The following ZNF385C variants were observed in gnomAD, a reference collection of about 807,000 sequenced individuals.
ZNF385C encodes zinc finger protein 385C.
In ZNF385C, 28 loss-of-function variants were observed where a neutral mutation model predicts 35.4. That is an observed-to-expected ratio of 0.79 (90% CI 0.59 to 1.08). The LOEUF is 1.08. ZNF385C is among the 50% of genes least tolerant of loss of function. ZNF385C has a pLI of 0.00. For synonymous variants in ZNF385C, 248 were observed against 248.2 expected (o/e 1.00, Z 0.01); for missense variants, 605 against 595.6 (o/e 1.02, Z -0.16).
intron 1 of ZNF385C, among the ~76,000 whole-genome samples, chr17:42,087,437 T>C (rs782350364): frequency 1.3e-5 from 2 of 152,178 alleles, no homozygotes; most frequent in Admixed American, 1.3e-4. Flanking sequence ...AAGAAAAAAC[T>C]TGTGACACAA....
Position 42,063,049 on chromosome 17 carries a change from C to T in ZNF385C, c.8G>A (p.Arg3Gln), listed in dbSNP as rs781894265. Residue 3 changes from arginine (R) to glutamine (Q), a missense_variant, in exon 2 of 9, where the codon CGG becomes CAG. Coordinates refer to ENST00000692273, the MANE Select transcript of ZNF385C (RefSeq NM_001392013.1). The stretch of plus-strand genomic sequence containing the variant: ...AGCCGGTGGGGGTGGGCTCAGTGGC[C>T]GCTTCATATCTGAGTGGATAGAGAG... MK[R>Q]PLSPPPPAEK... The T allele has an allele frequency of 9.2e-5, 59 of 639,226 alleles. No homozygotes were observed. Among genetic ancestry groups the T allele is most frequent in the Non-Finnish European group, 1.5e-4 (53 of 357,146 alleles). 39.6% of individuals were successfully genotyped at this position (639,226 alleles called of 1,614,324 possible).
In ZNF385C at chr17:42,054,119, G is replaced by A. The variant is rs377612309; in HGVS notation, c.250+8688C>T. 5.3e-5 allele frequency among the ~76,000 whole-genome samples: 8 copies of A among 152,338 alleles called. No homozygotes were observed. In the East Asian group the frequency reaches 1.2e-3, roughly 22 times the overall value. On this transcript the variant is annotated intron_variant, in intron 2 of 8. Transcript: ENST00000692273. ...CCAGGGGAGAAGTGTGGGGGCAAAT[G>A]TGCAGACCAAGAACTGGGGGAGGAT...
At chr17:42,086,661 C>T (rs1273992019) in intron 1 of ZNF385C, among the ~76,000 whole-genome samples, 5 of 125,034 alleles carry the variant, frequency 4.0e-5, no homozygotes, top group African/African-American at 1.6e-4. Context: ...AAGACCCCAG[C>T]ATTGCACTCC....
chr17:42,070,755 C>G (rs1555658738), intron 1 of ZNF385C, among the ~76,000 whole-genome samples: 1 of 152,196 alleles, frequency 6.6e-6, no homozygotes, highest in Non-Finnish European at 1.5e-5. Context: ...CTGGCCCTCC[C>G]TACCAGCCCA....
chr17:42,068,295 C>A (rs1384257016), intron 1 of ZNF385C, among the ~76,000 whole-genome samples: 3 of 152,194 alleles, frequency 2.0e-5, no homozygotes, highest in Non-Finnish European at 4.4e-5. Context: ...TGGACAGGAC[C>A]TAGTCCACAT....
intron 5 of ZNF385C, among the ~76,000 whole-genome samples, chr17:42,030,353 T>C (rs2052698799): frequency 6.6e-6 from 1 of 152,108 alleles, no homozygotes; most frequent in African/African-American, 2.4e-5. Flanking sequence ...CTGGACGTGG[T>C]GGCAGGTACC....
chr17:42,040,354 A>G (rs1166105044), intron 2 of ZNF385C: 1 of 1,231,720 alleles, frequency 8.1e-7, no homozygotes, highest in African/African-American at 1.6e-5. Context: ...GTCAGGGTCC[A>G]TGGATGCCAG....
chr17:42,028,727 G>A (rs782418401), intron 6 of ZNF385C, 56 bp downstream of exon 6: 29 of 1,507,364 alleles, frequency 1.9e-5, no homozygotes, highest in East Asian at 1.5e-4. Flanking sequence ...CTCATCTGGC[G>A]AGGCTTAGCT....
At chr17:42,046,985 C>G (rs2053175242) in intron 2 of ZNF385C, among the ~76,000 whole-genome samples, 1 of 151,780 alleles carries the variant, frequency 6.6e-6, no homozygotes, top group African/African-American at 2.4e-5. Flanking sequence ...GCCTCAGCCT[C>G]CCAAGTAACT....
rs1251350167 is a variant in ZNF385C at position 42,037,737 on chromosome 17, C to T, written c.399G>A (p.Thr133=). ...CCCCACCCGCCAGCCCAGCCCATAC[C>T]GTGCTGAAGTTGGGGAAGAGACTGA... is the stretch of plus-strand genomic sequence containing the variant. ...APLSLFPNFS[T]MDPVQKAVIS... is the part of the protein sequence containing the mutation. The change falls in exon 3 of 9, where the codon ACG becomes ACA. Residue 133 remains threonine (T), a splice_region_variant and synonymous_variant. Coordinates refer to ENST00000692273, the MANE Select transcript of ZNF385C (RefSeq NM_001392013.1). 5.9e-6 allele frequency: 9 copies of T among 1,527,984 alleles called. No homozygotes were observed. The highest frequency in any genetic ancestry group is 2.1e-5 in the Admixed American group (1 of 47,348). The allele number at this position is 1,527,984 out of a possible 1,614,324, so 94.7% of individuals were successfully genotyped here. A position where few individuals can be genotyped will look rare whatever the true frequency, so the allele number is the denominator to read the frequency against.
chr17:42,058,906 C>G (rs1257288528), intron 2 of ZNF385C, among the ~76,000 whole-genome samples: 1 of 152,234 alleles, frequency 6.6e-6, no homozygotes, highest in Admixed American at 6.5e-5. Flanking sequence ...ATCCACCCGC[C>G]TCGGCCTCCC....
At position 42,056,828 on chromosome 17, in the gene ZNF385C, C is replaced by T. The variant is rs58445432; in HGVS notation, c.250+5979G>A. ...CCATGTGAGACGTGCCTTTCACCTT[C>T]CGTCATGACTGTGAGGCCTCCCCAG... On this transcript the variant is annotated intron_variant, in intron 2 of 8. Transcript: ENST00000692273. Among the ~76,000 whole-genome samples the T allele has an allele frequency of 8.3e-3, 1,262 of 152,266 alleles. 18 individuals are homozygous for T. The highest frequency in any genetic ancestry group is 0.028 in the African/African-American group (1,178 of 41,550).
intron 1 of ZNF385C, among the ~76,000 whole-genome samples, chr17:42,083,499 G>A (rs1383266462): frequency 4.0e-5 from 6 of 151,702 alleles, no homozygotes; most frequent in Admixed American, 2.0e-4. Flanking sequence ...GAGCCACCGC[G>A]CCTGGCCATA....
At chr17:42,045,719 T>C (rs1253258307) in intron 2 of ZNF385C, among the ~76,000 whole-genome samples, 1 of 152,068 alleles carries the variant, frequency 6.6e-6, no homozygotes, top group Non-Finnish European at 1.5e-5. Context: ...GCTGCCTCGG[T>C]CTCTGCATGG....
intron 1 of ZNF385C, among the ~76,000 whole-genome samples, chr17:42,068,588 C>A (rs1598199225): frequency 6.6e-6 from 1 of 152,142 alleles, no homozygotes; most frequent in South Asian, 2.1e-4. Flanking sequence ...TTGTAGGGAT[C>A]AAGTGAACCT....
chr17:42,074,903 A>T (rs549248832), intron 1 of ZNF385C, among the ~76,000 whole-genome samples: 6 of 152,312 alleles, frequency 3.9e-5, no homozygotes, highest in Admixed American at 1.3e-4. Context: ...AGCAGCTTTG[A>T]CAAGGTATCC....
At chr17:42,043,262 C>T (rs1343596359) in intron 2 of ZNF385C, 7 of 1,232,166 alleles carry the variant, frequency 5.7e-6, no homozygotes, top group Admixed American at 4.2e-5. Context: ...AGCTTCCGCT[C>T]ATAGTCAAAG....
At chr17:42,037,302 T>C (rs538012228) in intron 3 of ZNF385C, among the ~76,000 whole-genome samples, 1 of 151,784 alleles carries the variant, frequency 6.6e-6, no homozygotes, top group South Asian at 2.1e-4. Flanking sequence ...CAAACACACG[T>C]TGGACACCAA....
intron 1 of ZNF385C, among the ~76,000 whole-genome samples, chr17:42,091,909 G>T (rs75446716): frequency 0.02 from 2,974 of 152,248 alleles, 102 homozygotes; most frequent in African/African-American, 0.068. Flanking sequence ...GGAGCTTTGG[G>T]TGAGGGGGAG....
Sources: allele counts gnomAD v4.1 joint callset (sites outside exome capture counted in the v4.1 genomes callset), GRCh38; gene constraint gnomAD v4.1.1; transcripts MANE v1.5; gene names NCBI Gene and HGNC (gene_info 2026-07-23, HGNC 2026-07-21).